The following SPECC1L variants were observed in gnomAD, a reference collection of about 807,000 sequenced individuals.
The protein encoded by SPECC1L is cytospin-A.
Under a neutral mutation model 116.8 loss-of-function variants are expected in SPECC1L, and 40 were observed. The ratio of observed to expected loss-of-function variants is 0.34; its 90% CI spans 0.27 to 0.45. The LOEUF (loss-of-function observed/expected upper bound fraction) is 0.45, where lower values mean the gene tolerates loss of function less well. Among genes scored for constraint, SPECC1L ranks in the 20% least tolerant of loss-of-function variants. The pLI, the probability that SPECC1L is intolerant of heterozygous loss-of-function variation, is 1.00. For missense variants in SPECC1L, 1,110 were observed against 1,373.6 expected, an observed-to-expected ratio of 0.81 and a Z score of 3.03; for synonymous variants, 504 against 500.6, an observed-to-expected ratio of 1.01 and a Z score of -0.09.
intron 14 of SPECC1L, among the ~76,000 whole-genome samples, chr22:24,399,549 C>T (rs574247572): frequency 2.0e-5 from 3 of 151,536 alleles, no homozygotes; most frequent in African/African-American, 4.8e-5. Flanking sequence ...CCAGCCTGGG[C>T]GACAAAGCGA....
At chr22:24,277,360 A>G (rs1337689086) in intron 2 of SPECC1L, among the ~76,000 whole-genome samples, 1 of 152,236 alleles carries the variant, frequency 6.6e-6, no homozygotes, top group Admixed American at 6.5e-5. Flanking sequence ...TATATTAACA[A>G]AATCACAGGT....
intron 11 of SPECC1L, among the ~76,000 whole-genome samples, chr22:24,357,699 T>G (rs922590857): frequency 1.3e-5 from 2 of 152,230 alleles, no homozygotes; most frequent in Non-Finnish European, 2.9e-5. Flanking sequence ...TTATTGTTGC[T>G]GTGATTACCC....
chr22:24,321,081 A>C (rs949425325), intron 4 of SPECC1L, among the ~76,000 whole-genome samples: 8 of 152,224 alleles, frequency 5.3e-5, no homozygotes. Context: ...TGTATAACTT[A>C]TTTCTCCTTG....
intron 14 of SPECC1L, among the ~76,000 whole-genome samples, chr22:24,377,295 T>C (rs1300235142): frequency 6.6e-6 from 1 of 152,188 alleles, no homozygotes; most frequent in South Asian, 2.1e-4. Flanking sequence ...GGGGTTATTA[T>C]AAATGTCACT....
At chr22:24,314,623 A>G (rs1601538622) in intron 4 of SPECC1L, among the ~76,000 whole-genome samples, 1 of 152,222 alleles carries the variant, frequency 6.6e-6, no homozygotes, top group African/African-American at 2.4e-5. Flanking sequence ...AGCTGGTCAT[A>G]TGACCTATAG....
intron 11 of SPECC1L, among the ~76,000 whole-genome samples, chr22:24,359,506 A>G (rs1359935200): frequency 6.6e-6 from 1 of 151,690 alleles, no homozygotes; most frequent in Non-Finnish European, 1.5e-5. Context: ...CTTCATATCC[A>G]TCTGTCGGCA....
chr22:24,309,967 C>T (rs1263090866), intron 3 of SPECC1L, among the ~76,000 whole-genome samples: 2 of 152,158 alleles, frequency 1.3e-5, no homozygotes, highest in Admixed American at 1.3e-4. Context: ...CCCTCTCCTC[C>T]CCTGTTCCCT....
intron 14 of SPECC1L, among the ~76,000 whole-genome samples, chr22:24,410,287 G>A (rs1360408547): frequency 6.6e-6 from 1 of 152,234 alleles, no homozygotes; most frequent in Non-Finnish European, 1.5e-5. Flanking sequence ...TCCCGCCTCA[G>A]CCTCCTGAGT....
rs553220881 is a variant in SPECC1L at position 24,339,905 on chromosome 22, C to T, written c.2652+1428C>T. Among the ~76,000 whole-genome samples, 3 of 152,260 alleles carry T rather than the reference C, an allele frequency of 2.0e-5. No homozygotes were observed. The South Asian group carries it at 6.2e-4, about 32-fold the overall frequency. On this transcript the variant is annotated intron_variant, in intron 10 of 16. Coordinates refer to ENST00000314328, the MANE Select transcript of SPECC1L (RefSeq NM_015330.6). ...GCCCAACCAGTCCTCCCACCTCAGC[C>T]TCCCAAGTAGCTGGGACCACAGGCG... is the stretch of plus-strand genomic sequence containing the variant.
intron 8 of SPECC1L, among the ~76,000 whole-genome samples, chr22:24,331,924 C>G (rs2040946393): frequency 6.6e-6 from 1 of 152,126 alleles, no homozygotes; most frequent in South Asian, 2.1e-4. Context: ...CACTCTTTAG[C>G]ATTTTGTGTG....
chr22:24,288,263 C>T (rs1203896042), intron 2 of SPECC1L, among the ~76,000 whole-genome samples: 1 of 152,084 alleles, frequency 6.6e-6, no homozygotes, highest in South Asian at 2.1e-4. Context: ...AATTCTTTGT[C>T]GTGGGGGGCT....
At chr22:24,390,666 C>T (rs553868512) in intron 14 of SPECC1L, among the ~76,000 whole-genome samples, 38 of 152,124 alleles carry the variant, frequency 2.5e-4, no homozygotes, top group African/African-American at 8.4e-4. Context: ...TTTATGTGGA[C>T]TGTGTCTACT....
intron 2 of SPECC1L, among the ~76,000 whole-genome samples, chr22:24,279,707 C>G (rs913579477): frequency 1.3e-5 from 2 of 152,118 alleles, no homozygotes; most frequent in African/African-American, 4.8e-5. Context: ...CTCAGCCTTC[C>G]GAGTAGCTGG....
chr22:24,291,690 A>G (rs538193505), intron 2 of SPECC1L, among the ~76,000 whole-genome samples: 1 of 152,308 alleles, frequency 6.6e-6, no homozygotes, highest in African/African-American at 2.4e-5. Context: ...CCAGCCTGCT[A>G]ACCACTTTAG....
chr22:24,296,736 G>C (rs1406791594), intron 2 of SPECC1L, among the ~76,000 whole-genome samples: 3 of 152,224 alleles, frequency 2.0e-5, no homozygotes, highest in Non-Finnish European at 2.9e-5. Context: ...GACCAGGTAG[G>C]GACCCAGGAC....
At chr22:24,275,631 T>C (rs933966185) in intron 1 of SPECC1L, among the ~76,000 whole-genome samples, 7 of 152,020 alleles carry the variant, frequency 4.6e-5, no homozygotes, top group Non-Finnish European at 1.0e-4. Flanking sequence ...ACTTTGTCTA[T>C]TGTGCATATA....
intron 2 of SPECC1L, among the ~76,000 whole-genome samples, chr22:24,288,401 G>T (rs921572630): frequency 1.3e-5 from 2 of 151,584 alleles, no homozygotes; most frequent in African/African-American, 4.9e-5. Flanking sequence ...TATCCCCTAG[G>T]GTACAAAATT....
chr22:24,303,264 A>G (rs1330949828), intron 3 of SPECC1L, among the ~76,000 whole-genome samples: 2 of 152,134 alleles, frequency 1.3e-5, no homozygotes, highest in Non-Finnish European at 2.9e-5. Context: ...TTTCTATTCT[A>G]AGGTTGTTGG....
At chr22:24,360,570 A>G (rs1017025074) in intron 11 of SPECC1L, among the ~76,000 whole-genome samples, 1 of 151,774 alleles carries the variant, frequency 6.6e-6, no homozygotes, top group African/African-American at 2.4e-5. Context: ...TTTTTTTGCA[A>G]TTGTGCTTAT....
Sources: gnomAD v4.1 joint callset for allele counts (sites outside exome capture counted in the v4.1 genomes callset) on GRCh38, gnomAD v4.1.1 for gene constraint, MANE v1.5 for transcripts, NCBI Gene and HGNC (gene_info 2026-07-23, HGNC 2026-07-21) for gene names.